Variants in SUMF1 observed in about 807,000 individuals in gnomAD.
SUMF1 encodes formylglycine-generating enzyme.
In SUMF1, 48 loss-of-function variants were observed where a neutral mutation model predicts 47.6. That is an observed-to-expected ratio of 1.01 (90% CI 0.80 to 1.28). The LOEUF (loss-of-function observed/expected upper bound fraction) is 1.28, where lower values mean the gene tolerates loss of function less well. SUMF1 is among the 50% of genes most tolerant of loss of function. The pLI is 0.00. For synonymous variants in SUMF1, 230 were observed against 192.1 expected, an observed-to-expected ratio of 1.20 and a Z score of -1.63; for missense variants, 571 against 485.4, an observed-to-expected ratio of 1.18 and a Z score of -1.66.
chr3:4,272,986 G>C (rs920304805), intron 8 of SUMF1, among the ~76,000 whole-genome samples: 1 of 151,886 alleles, frequency 6.6e-6, no homozygotes, highest in Non-Finnish European at 1.5e-5. Flanking sequence ...AAGGCAGGAG[G>C]AATTCGAGGC....
chr3:4,137,658 T>G (rs974654669), intron 8 of SUMF1, among the ~76,000 whole-genome samples: 1 of 151,944 alleles, frequency 6.6e-6, no homozygotes, highest in African/African-American at 2.4e-5. Flanking sequence ...GGAAGAAAAT[T>G]TCCTCAACCT....
At chr3:4,097,210 G>A (rs1349692936) in intron 8 of SUMF1, among the ~76,000 whole-genome samples, 1 of 152,082 alleles carries the variant, frequency 6.6e-6, no homozygotes, top group Non-Finnish European at 1.5e-5. Flanking sequence ...AATAAGGGTT[G>A]GGGAGGCAAC....
chr3:4,362,931 A>T (rs992279954), intron 8 of SUMF1, among the ~76,000 whole-genome samples: 3 of 152,144 alleles, frequency 2.0e-5, no homozygotes, highest in African/African-American at 7.2e-5. Context: ...AGAAAAAAAA[A>T]CAGTTAAAAT....
At chr3:4,367,685 G>A (rs1357124574) in intron 8 of SUMF1, among the ~76,000 whole-genome samples, 1 of 152,170 alleles carries the variant, frequency 6.6e-6, no homozygotes, top group Non-Finnish European at 1.5e-5. Flanking sequence ...AACGCCGCAT[G>A]TCTACAACTG....
At position 4,123,209 on chromosome 3, in the gene SUMF1, T is replaced by C. The variant is rs968216520; in HGVS notation, c.1015-54464A>G. Among the ~76,000 whole-genome samples, 4 of 152,074 alleles carry C rather than the reference T, an allele frequency of 2.6e-5. No homozygotes were observed. The East Asian group carries it at 5.9e-4, about 22-fold the overall frequency. ...GATGCAATGGTCAAGGAAGCATCTT[T>C]GAAGGAGTAATATGTTAGTTGAGAA... is the stretch of plus-strand genomic sequence containing the variant. On this transcript the variant is annotated intron_variant and NMD_transcript_variant, in intron 8 of 12. Transcript: ENST00000448413.
chr3:4,299,773 G>A (rs190003666), intron 8 of SUMF1, among the ~76,000 whole-genome samples: 1 of 152,290 alleles, frequency 6.6e-6, no homozygotes, highest in East Asian at 1.9e-4. Context: ...TGGCGCCACT[G>A]CACTCCAGCC....
intron 9 of SUMF1, among the ~76,000 whole-genome samples, chr3:4,037,776 T>C (rs1339928773): frequency 6.6e-6 from 1 of 152,216 alleles, no homozygotes; most frequent in Non-Finnish European, 1.5e-5. Flanking sequence ...TTCTCATCTC[T>C]ACATGTGTGT....
intron 8 of SUMF1, among the ~76,000 whole-genome samples, chr3:4,146,793 T>C (rs554038020): frequency 1.3e-5 from 2 of 151,918 alleles, no homozygotes; most frequent in Non-Finnish European, 2.9e-5. Context: ...AGTGTTTGGT[T>C]TTTTGTCCTT....
chr3:4,056,744 T>C (rs1055745806), intron 9 of SUMF1, among the ~76,000 whole-genome samples: 5 of 152,078 alleles, frequency 3.3e-5, no homozygotes, highest in Admixed American at 6.6e-5. Flanking sequence ...CATAATTTTT[T>C]TTATTTATTT....
chr3:4,261,768 C>G (rs1459201980), intron 8 of SUMF1, among the ~76,000 whole-genome samples: 2 of 152,158 alleles, frequency 1.3e-5, no homozygotes, highest in Non-Finnish European at 2.9e-5. Context: ...AGTAGAAGAC[C>G]AGCATCAGTG....
intron 8 of SUMF1, among the ~76,000 whole-genome samples, chr3:4,277,977 G>A (rs1449495698): frequency 2.6e-5 from 4 of 151,882 alleles, no homozygotes; most frequent in African/African-American, 9.7e-5. Flanking sequence ...AGTTATCAAA[G>A]GAAAAAATTA....
chr3:4,335,341 C>A (rs1351852120), intron 8 of SUMF1, among the ~76,000 whole-genome samples: 1 of 152,144 alleles, frequency 6.6e-6, no homozygotes, highest in Non-Finnish European at 1.5e-5. Context: ...TTACATATAG[C>A]CTAGATCTCT....
intron 8 of SUMF1, among the ~76,000 whole-genome samples, chr3:4,151,535 G>T (rs1351585667): frequency 4.8e-5 from 6 of 125,628 alleles, no homozygotes; most frequent in African/African-American, 1.8e-4. Context: ...GTATATATGT[G>T]TATATATATG....
intron 3 of SUMF1, among the ~76,000 whole-genome samples, chr3:4,428,482 T>C (rs569180301): frequency 1.3e-5 from 2 of 152,226 alleles, no homozygotes; most frequent in South Asian, 2.1e-4. Context: ...GCCTTACAAG[T>C]AGTTAAGACT....
chr3:4,154,148 A>C (rs758009734), intron 8 of SUMF1, among the ~76,000 whole-genome samples: 11 of 151,580 alleles, frequency 7.3e-5, no homozygotes, highest in Non-Finnish European at 1.6e-4. Flanking sequence ...CCTGAGCTAC[A>C]TGTGGTAGAA....
intron 8 of SUMF1, among the ~76,000 whole-genome samples, chr3:4,252,884 T>A (rs1424933982): frequency 6.6e-6 from 1 of 152,182 alleles, no homozygotes; most frequent in Admixed American, 6.5e-5. Flanking sequence ...AAATGCACCC[T>A]AAAACAAATG....
intron 8 of SUMF1, among the ~76,000 whole-genome samples, chr3:4,165,501 A>C (rs1284155007): frequency 6.6e-6 from 1 of 152,098 alleles, no homozygotes; most frequent in African/African-American, 2.4e-5. Flanking sequence ...ATATGGAGGT[A>C]AGCTGAGAGG....
chr3:4,157,970 G>A (rs569622998), intron 8 of SUMF1, among the ~76,000 whole-genome samples: 1 of 151,666 alleles, frequency 6.6e-6, no homozygotes, highest in Admixed American at 6.5e-5. Context: ...TATCTGGTAT[G>A]AGGAAGTTTA....
At chr3:4,091,588 C>A (rs1421288115) in intron 8 of SUMF1, among the ~76,000 whole-genome samples, 1 of 152,154 alleles carries the variant, frequency 6.6e-6, no homozygotes. Context: ...CTGTTGCAGC[C>A]TTTAAGACAA....
Sources: allele counts gnomAD v4.1 joint callset (sites outside exome capture counted in the v4.1 genomes callset), GRCh38; gene constraint gnomAD v4.1.1; transcripts MANE v1.5; gene names NCBI Gene and HGNC (gene_info 2026-07-23, HGNC 2026-07-21).